The following SGCG variants were observed in gnomAD, a reference collection of about 807,000 sequenced individuals.
The protein encoded by SGCG is sarcoglycan gamma, also known as gamma-sarcoglycan.
In SGCG, 26 loss-of-function variants were observed where a neutral mutation model predicts 29.3. That is an observed-to-expected ratio of 0.89 (90% CI 0.65 to 1.23). The LOEUF (loss-of-function observed/expected upper bound fraction) is 1.23. Among genes scored for constraint, SGCG ranks in the 50% most tolerant of loss-of-function variants. SGCG has a pLI of 0.00. For missense variants in SGCG, 353 were observed against 356.0 expected, an observed-to-expected ratio of 0.99 and a Z score of 0.07; for synonymous variants, 145 against 129.7, an observed-to-expected ratio of 1.12 and a Z score of -0.80.
At chr13:23,175,335 A>T in the SGCG span, among the ~76,000 whole-genome samples, 1 of 152,128 alleles carries the variant, frequency 6.6e-6, no homozygotes, top group South Asian at 2.1e-4. Context: ...TAAGCAGGAG[A>T]TTTTATTCTA....
intron 6 of SGCG, among the ~76,000 whole-genome samples, chr13:23,296,068 G>T (rs1467082896): frequency 6.6e-6 from 1 of 152,232 alleles, no homozygotes; most frequent in African/African-American, 2.4e-5. Flanking sequence ...ACAGGTTTAT[G>T]ATTCATATAT....
At chr13:23,212,686 A>C (rs7328853) in intron 2 of SGCG, among the ~76,000 whole-genome samples, 13,944 of 152,170 alleles carry the variant, frequency 0.092, 860 homozygotes, top group South Asian at 0.2. Context: ...GATATGAGGG[A>C]GTGAGAAGAG....
At chr13:23,257,913 T>A (rs1593201825) in intron 4 of SGCG, among the ~76,000 whole-genome samples, 1 of 152,294 alleles carries the variant, frequency 6.6e-6, no homozygotes, top group Non-Finnish European at 1.5e-5. Flanking sequence ...TATATATCTG[T>A]TTTGGTACCA....
intron 6 of SGCG, among the ~76,000 whole-genome samples, chr13:23,297,037 G>A (rs532404181): frequency 6.6e-6 from 1 of 152,170 alleles, no homozygotes; most frequent in East Asian, 1.9e-4. Flanking sequence ...GGGAATACAA[G>A]GTACAGTAGG....
At chr13:23,310,308 G>A (rs566247178) in intron 6 of SGCG, among the ~76,000 whole-genome samples, 37 of 151,860 alleles carry the variant, frequency 2.4e-4, no homozygotes, top group East Asian at 1.7e-3. Context: ...GGGTGGTCTC[G>A]ATCTCCTGAC....
At position 23,324,461 on chromosome 13, in the gene SGCG, G is replaced by T. The variant is rs1555248300; in HGVS notation, c.796G>T (p.Val266Leu). 2 of 1,614,080 alleles carry T rather than the reference G, an allele frequency of 1.2e-6. No individual in the cohort carries two copies. The highest frequency in any genetic ancestry group is 2.7e-5 in the African/African-American group (2 of 75,042). ...GSSQSLYEIC[V>L]CPDGKLYLSV... Reference sequence around the variant, plus strand: ...CTCACAGAGCCTCTACGAAATCTGTGTGTGTCCAGATGGGAAGCTGTACCT... The same window carrying T: ...CTCACAGAGCCTCTACGAAATCTGTTTGTGTCCAGATGGGAAGCTGTACCT... The change falls in exon 8 of 8, where the codon GTG (valine) becomes TTG (leucine). Residue 266 changes from valine (V) to leucine (L), a missense_variant. By Grantham distance (32) the Val-to-Leu change is conservative. Coordinates refer to ENST00000218867, the MANE Select transcript of SGCG (RefSeq NM_000231.3).
intron 5 of SGCG, among the ~76,000 whole-genome samples, chr13:23,284,951 A>G (rs1194496683): frequency 6.6e-6 from 1 of 152,164 alleles, no homozygotes; most frequent in Non-Finnish European, 1.5e-5. Flanking sequence ...GCAGAACAGC[A>G]AAGACTGCTA....
the SGCG span, among the ~76,000 whole-genome samples, chr13:23,166,470 A>G: frequency 1.3e-5 from 2 of 152,190 alleles, no homozygotes; most frequent in South Asian, 2.1e-4. Context: ...CTGGGATTAC[A>G]GGCCTGAGCC....
intron 6 of SGCG, among the ~76,000 whole-genome samples, chr13:23,300,078 G>A (rs7325966): frequency 0.19 from 28,300 of 152,142 alleles, 3,347 homozygotes; most frequent in Non-Finnish European, 0.25. Flanking sequence ...CCAGAAAAGG[G>A]AGGAGTTGAA....
the SGCG span, among the ~76,000 whole-genome samples, chr13:23,161,077 C>T: frequency 2.0e-5 from 3 of 152,182 alleles, no homozygotes; most frequent in South Asian, 6.2e-4. Flanking sequence ...ACTGAGTAAG[C>T]GGAGTGTCTG....
chr13:23,265,211 A>G (rs1220162539), intron 4 of SGCG, among the ~76,000 whole-genome samples: 1 of 152,178 alleles, frequency 6.6e-6, no homozygotes, highest in East Asian at 1.9e-4. Flanking sequence ...GATTTTTAAA[A>G]AAGTTAATAT....
At chr13:23,192,554 C>T (rs1432648735) in intron 1 of SGCG, among the ~76,000 whole-genome samples, 3 of 151,888 alleles carry the variant, frequency 2.0e-5, no homozygotes, top group Admixed American at 2.0e-4. Flanking sequence ...CCACCACGCC[C>T]AGCTAATTTT....
At chr13:23,197,852 C>T (rs1253539548) in intron 1 of SGCG, among the ~76,000 whole-genome samples, 1 of 152,022 alleles carries the variant, frequency 6.6e-6, no homozygotes, top group African/African-American at 2.4e-5. Flanking sequence ...AAAACAGACA[C>T]TGACTCATGA....
chr13:23,322,778 C>CG (rs1883096638), intron 7 of SGCG, among the ~76,000 whole-genome samples: 3 of 100,194 alleles, frequency 3.0e-5, no homozygotes, highest in African/African-American at 1.1e-4. Context: ...ACCTCCCCCC[C>CG]CCCCCCCCCC....
At chr13:23,296,208 A>C (rs1331447354) in intron 6 of SGCG, among the ~76,000 whole-genome samples, 1 of 152,274 alleles carries the variant, frequency 6.6e-6, no homozygotes, top group Non-Finnish European at 1.5e-5. Context: ...CAAACAAGGC[A>C]AAACCTTTGC....
chr13:23,188,311 CTTTTTTTTTTTT>C lies in SGCG; in HGVS notation c.-1+7256_-1+7267del, dbSNP rs71100159. On this transcript the variant is annotated intron_variant, in intron 1 of 7. Transcript: ENST00000218867. ...CGTCTGAACACATCTTTTACTAAGG[CTTTTTTTTTTTT>C]TTTTTTTTTTTTTTTTTTTGAGATA... 8.5e-3 allele frequency among the ~76,000 whole-genome samples: 663 copies of C among 78,332 alleles called. 9 individuals are homozygous for C. The highest frequency in any genetic ancestry group is 0.014 in the East Asian group (39 of 2,786). The allele number at this position is 78,332 out of a possible 152,430, so 51.4% of individuals were successfully genotyped here.
At chr13:23,185,658 T>G (rs1241622894) in intron 1 of SGCG, among the ~76,000 whole-genome samples, 3 of 152,064 alleles carry the variant, frequency 2.0e-5, no homozygotes, top group African/African-American at 7.2e-5. Flanking sequence ...CAGAAGGAGA[T>G]GTCAAATAGT....
In SGCG at chr13:23,234,775, A is replaced by C. The variant is rs4769246; in HGVS notation, c.297+63A>C. Reference sequence around the variant, plus strand: ...AAAAATAAATCATGTTTAAGCACAAAAATTCAGTACAGTTTAGAGAAGATT... The same window carrying C: ...AAAAATAAATCATGTTTAAGCACAACAATTCAGTACAGTTTAGAGAAGATT... On this transcript the variant is annotated intron_variant, in intron 3 of 7. Transcript: ENST00000218867. The C allele has an allele frequency of 0.15, 168,826 of 1,098,610 alleles. 13,926 individuals carry two copies. The highest frequency in any genetic ancestry group is 0.3 in the East Asian group (12,669 of 42,462). The allele number at this position is 1,098,610 out of a possible 1,614,324, so 68.1% of individuals were successfully genotyped here. A position where few individuals can be genotyped will look rare whatever the true frequency, so the allele number is the denominator to read the frequency against.
chr13:23,203,836 G>T lies in SGCG; in HGVS notation c.142G>T (p.Val48Phe), dbSNP rs369936288. 5.6e-6 allele frequency: 9 copies of T among 1,614,000 alleles called. No individual in the cohort carries two copies. The South Asian group carries it at 9.9e-5, about 18-fold the overall frequency. ...TGTTCTTCTTTTACTCATCATCCTCGTTGTGAATTTAGCTCTTACAATTTG... is the reference window on the plus strand; with the variant it reads ...TGTTCTTCTTTTACTCATCATCCTCTTTGTGAATTTAGCTCTTACAATTTG... Reference protein sequence around the residue: ...LFVLLLLIILVVNLALTIWIL... With the variant: ...LFVLLLLIILFVNLALTIWIL... Residue 48 changes from valine to phenylalanine, a missense_variant, in exon 2 of 8, where the codon GTT becomes TTT. Transcript: ENST00000218867.
Sources: allele counts gnomAD v4.1 joint callset (sites outside exome capture counted in the v4.1 genomes callset), GRCh38; gene constraint gnomAD v4.1.1; transcripts MANE v1.5; gene names NCBI Gene and HGNC (gene_info 2026-07-23, HGNC 2026-07-21).